Variants in INPP5B observed in about 807,000 individuals in gnomAD.
The protein encoded by INPP5B is inositol polyphosphate-5-phosphatase B, also known as type II inositol 1,4,5-trisphosphate 5-phosphatase.
In INPP5B, 90 loss-of-function variants were observed where a neutral mutation model predicts 118.5. That is an observed-to-expected ratio of 0.76 (90% CI 0.64 to 0.90). The LOEUF is 0.90. INPP5B is among the 40% of genes least tolerant of loss of function. The pLI, the probability that INPP5B is intolerant of heterozygous loss-of-function variation, is 0.00. For synonymous variants in INPP5B, 385 were observed against 418.9 expected, an observed-to-expected ratio of 0.92 and a Z score of 0.99; for missense variants, 984 against 1,125.6, an observed-to-expected ratio of 0.87 and a Z score of 1.80.
chr1:37,932,070 G>T lies in INPP5B; in HGVS notation c.392-17C>A. The T allele has an allele frequency of 6.4e-7, 1 of 1,565,898 alleles. No individual in the cohort carries two copies. The highest frequency in any genetic ancestry group is 8.7e-7 in the Non-Finnish European group (1 of 1,156,006). On this transcript the variant is annotated splice_polypyrimidine_tract_variant and intron_variant, in intron 6 of 23. Transcript: ENST00000373024. ...AATCGAAGCCTGTGCAGGAACAAAT[G>T]GGGGCAGACTGAGCCACGAGCTTGA... is the stretch of plus-strand genomic sequence containing the variant.
intron 6 of INPP5B, among the ~76,000 whole-genome samples, chr1:37,937,869 G>A (rs1264361844): frequency 6.6e-6 from 1 of 151,450 alleles, no homozygotes; most frequent in Admixed American, 6.6e-5. Context: ...TTGGGAGGCT[G>A]AAGCAGGAGA....
At chr1:37,904,279 C>T (rs113325892) in intron 7 of INPP5B, among the ~76,000 whole-genome samples, 3 of 151,870 alleles carry the variant, frequency 2.0e-5, no homozygotes, top group East Asian at 1.9e-4. Flanking sequence ...GAGCCGAGAT[C>T]GCACCACTGA....
chr1:37,920,731 T>G (rs1021286107), intron 7 of INPP5B, among the ~76,000 whole-genome samples: 2 of 151,568 alleles, frequency 1.3e-5, no homozygotes, highest in African/African-American at 4.9e-5. Context: ...CTGAGTTCTA[T>G]TTTCGACTCC....
intron 6 of INPP5B, among the ~76,000 whole-genome samples, chr1:37,936,677 A>C (rs1425571477): frequency 6.6e-6 from 1 of 151,716 alleles, no homozygotes. Context: ...GAGCTAAGGA[A>C]GCACTAGAGC....
chr1:37,919,402 TA>T (rs1177876768), intron 7 of INPP5B, among the ~76,000 whole-genome samples: 2 of 152,162 alleles, frequency 1.3e-5, no homozygotes, highest in African/African-American at 4.8e-5. Context: ...TGCTTCAGAA[TA>T]CCTGACAGTT....
intron 9 of INPP5B, 85 bp downstream of exon 9, chr1:37,889,466 CTCCAAA>C: frequency 1.0e-6 from 1 of 955,716 alleles, no homozygotes; most frequent in Non-Finnish European, 1.6e-6. Flanking sequence ...AAGAGTATGT[CTCCAAA>C]TCCAGGTATA....
intron 13 of INPP5B, chr1:37,885,414 GAA>G (rs999406770): frequency 1.0e-3 from 371 of 361,490 alleles, no homozygotes; most frequent in East Asian, 1.3e-3. Flanking sequence ...ACTCCATCTC[GAA>G]AAAAAAAAAA....
At chr1:37,867,007 G>A (rs1642088074) in intron 20 of INPP5B, among the ~76,000 whole-genome samples, 1 of 152,256 alleles carries the variant, frequency 6.6e-6, no homozygotes, top group Non-Finnish European at 1.5e-5. Flanking sequence ...GCAGAGGCGG[G>A]TGGATCACGA....
chr1:37,896,799 G>C, intron 7 of INPP5B, among the ~76,000 whole-genome samples: 1 of 106,444 alleles, frequency 9.4e-6, no homozygotes, highest in South Asian at 3.3e-4. Flanking sequence ...CCCCCTGCCC[G>C]GCCAGCCGCC....
chr1:37,925,318 C>T (rs999296706), intron 7 of INPP5B, among the ~76,000 whole-genome samples: 3 of 152,160 alleles, frequency 2.0e-5, no homozygotes. Context: ...CATTGGCATT[C>T]CAAGAAAGAA....
At chr1:37,893,566 GA>G (rs770930279) in intron 7 of INPP5B, among the ~76,000 whole-genome samples, 3 of 152,210 alleles carry the variant, frequency 2.0e-5, no homozygotes, top group African/African-American at 7.2e-5. Context: ...TCCCCTGAAT[GA>G]CTATAAAAGC....
rs1643284584 is a variant in INPP5B, at chr1:37,882,806, C to T, written c.1431+1G>A. Reference sequence around the variant, plus strand: ...AAGAGGGCACAGGTGGCCATCTGTACCTGATCATATGCATACAGCATTTGA... The same window carrying T: ...AAGAGGGCACAGGTGGCCATCTGTATCTGATCATATGCATACAGCATTTGA... On this transcript the variant is annotated splice_donor_variant, in intron 14 of 23. Transcript: ENST00000373024. LOFTEE classifies it high-confidence loss of function. The T allele has an allele frequency of 6.2e-7, 1 of 1,610,904 alleles. No homozygotes were observed. Among genetic ancestry groups the T allele is most frequent in the African/African-American group, 1.3e-5 (1 of 74,864 alleles).
At chr1:37,898,467 G>A (rs1644205444) in intron 7 of INPP5B, among the ~76,000 whole-genome samples, 2 of 152,002 alleles carry the variant, frequency 1.3e-5, no homozygotes, top group African/African-American at 2.4e-5. Context: ...AGGCCGAGGC[G>A]GGTGGATCAC....
intron 3 of INPP5B, 152 bp downstream of exon 3, chr1:37,945,604 A>C (rs1646083248): frequency 3.3e-6 from 2 of 606,602 alleles, no homozygotes; most frequent in Admixed American, 5.6e-5. Flanking sequence ...CAGGGTTTAA[A>C]ATATAGTGTT....
chr1:37,905,636 C>CT (rs1282821568), intron 7 of INPP5B, among the ~76,000 whole-genome samples: 1 of 152,176 alleles, frequency 6.6e-6, no homozygotes, highest in African/African-American at 2.4e-5. Flanking sequence ...TTTTAATCCT[C>CT]TTTCAAAGGT....
At chr1:37,939,477 G>C (rs996546465) in intron 6 of INPP5B, among the ~76,000 whole-genome samples, 4 of 137,282 alleles carry the variant, frequency 2.9e-5, no homozygotes, top group African/African-American at 1.0e-4. Flanking sequence ...ATGGAGTCTT[G>C]CTCTGTCCCT....
chr1:37,935,413 T>C (rs1263272989), intron 6 of INPP5B, among the ~76,000 whole-genome samples: 6 of 151,028 alleles, frequency 4.0e-5, no homozygotes, highest in Non-Finnish European at 8.8e-5. Flanking sequence ...AGGCTGGTCT[T>C]GAACTCCTGA....
At chr1:37,936,345 G>A (rs1475611053) in intron 6 of INPP5B, among the ~76,000 whole-genome samples, 1 of 151,942 alleles carries the variant, frequency 6.6e-6, no homozygotes, top group African/African-American at 2.4e-5. Flanking sequence ...CTCTGGCCGA[G>A]CGCGGTGGTT....
At chr1:37,915,894 CAG>C (rs1471833702) in intron 7 of INPP5B, among the ~76,000 whole-genome samples, 1 of 152,204 alleles carries the variant, frequency 6.6e-6, no homozygotes, top group African/African-American at 2.4e-5. Flanking sequence ...AATAAGATAA[CAG>C]TGTCTGCCTC....
Sources: gnomAD v4.1 joint callset for allele counts (sites outside exome capture counted in the v4.1 genomes callset) on GRCh38, gnomAD v4.1.1 for gene constraint, MANE v1.5 for transcripts, NCBI Gene and HGNC (gene_info 2026-07-23, HGNC 2026-07-21) for gene names.